WDR33: variants seen among roughly 807,000 people sequenced by gnomAD.
WDR33 encodes WD repeat domain 33, also known as pre-mRNA 3' end processing protein WDR33.
Under a neutral mutation model 164.9 loss-of-function variants are expected in WDR33, and 47 were observed. The ratio of observed to expected loss-of-function variants is 0.29; its 90% CI spans 0.23 to 0.36. WDR33 has a LOEUF of 0.36. WDR33 is among the 10% of genes least tolerant of loss of function. WDR33 has a pLI of 1.00. For missense variants in WDR33, 1,137 were observed against 1,754.1 expected, an observed-to-expected ratio of 0.65 and a Z score of 6.28; for synonymous variants, 505 against 589.0, an observed-to-expected ratio of 0.86 and a Z score of 2.06.
intron 1 of WDR33, among the ~76,000 whole-genome samples, chr2:127,794,928 G>A (rs960473816): frequency 6.6e-6 from 1 of 151,654 alleles, no homozygotes; most frequent in African/African-American, 2.4e-5. Context: ...GGAGGCTGAG[G>A]CGGGAGGATC....
At chr2:127,757,802 C>T (rs969912774) in intron 7 of WDR33, among the ~76,000 whole-genome samples, 4 of 152,056 alleles carry the variant, frequency 2.6e-5, no homozygotes, top group Non-Finnish European at 1.5e-5. Context: ...TTTTTTGGAA[C>T]ATTCAAACTT....
chr2:127,709,872 A>G lies in WDR33; in HGVS notation c.3309-16T>C, dbSNP rs1294301926. 1 of 1,612,666 alleles carries G rather than the reference A, an allele frequency of 6.2e-7. No homozygotes were observed. Among genetic ancestry groups the G allele is most frequent in the Non-Finnish European group, 8.5e-7 (1 of 1,179,474 alleles). On this transcript the variant is annotated splice_polypyrimidine_tract_variant and intron_variant, in intron 18 of 21. Coordinates refer to ENST00000322313, the MANE Select transcript of WDR33 (RefSeq NM_018383.5). This position sits in a 1 kb window ranked among gnomAD's most constrained non-coding sequence, Gnocchi z 5.0. ...TCTTCTGAAACTGTAAAGAGAAAAC[A>G]GCAGAATGTCCATCTCAGAGAACAC...
chr2:127,802,852 G>A (rs1446070693), intron 1 of WDR33, among the ~76,000 whole-genome samples: 6 of 151,840 alleles, frequency 4.0e-5, no homozygotes, highest in African/African-American at 1.2e-4. Context: ...ATGGTGGTGC[G>A]CACTTGTCGT....
intron 1 of WDR33, among the ~76,000 whole-genome samples, chr2:127,795,691 G>A (rs1689013590): frequency 1.3e-5 from 2 of 151,344 alleles, no homozygotes; most frequent in South Asian, 2.1e-4. Flanking sequence ...AAGTTAGCCA[G>A]GTGTGGTGGC....
intron 1 of WDR33, among the ~76,000 whole-genome samples, chr2:127,790,819 A>AT (rs1421028972): frequency 6.6e-6 from 1 of 151,744 alleles, no homozygotes; most frequent in South Asian, 2.1e-4. Context: ...CAGGTTACAT[A>AT]TTTTTTCTTG....
intron 7 of WDR33, among the ~76,000 whole-genome samples, chr2:127,759,883 T>TA (rs905303806): frequency 2.0e-5 from 3 of 152,020 alleles, no homozygotes; most frequent in Non-Finnish European, 4.4e-5. Flanking sequence ...TCTATTTTTT[T>TA]AAAAAAAATT....
At chr2:127,788,396 G>C (rs1428440115) in intron 1 of WDR33, among the ~76,000 whole-genome samples, 4 of 107,192 alleles carry the variant, frequency 3.7e-5, no homozygotes, top group South Asian at 3.1e-4. Flanking sequence ...CTCACCTCCC[G>C]GACGGGGCGG....
chr2:127,711,161 A>G (rs963731652), intron 18 of WDR33, among the ~76,000 whole-genome samples: 2 of 152,200 alleles, frequency 1.3e-5, no homozygotes, highest in Non-Finnish European at 2.9e-5. Context: ...ACAGTGGCTC[A>G]CACCTGTAAT....
chr2:127,804,985 G>C (rs1362889629), intron 1 of WDR33, among the ~76,000 whole-genome samples: 2 of 150,162 alleles, frequency 1.3e-5, no homozygotes, highest in Non-Finnish European at 2.9e-5. Context: ...ACATCTGGCA[G>C]TCCCTACCAC....
At chr2:127,809,594 C>T (rs1689573504) in intron 1 of WDR33, among the ~76,000 whole-genome samples, 1 of 151,986 alleles carries the variant, frequency 6.6e-6, no homozygotes, top group Non-Finnish European at 1.5e-5. Flanking sequence ...CACCACCACA[C>T]CCAGCTAATT....
chr2:127,745,255 T>A (rs1239594741), intron 7 of WDR33, among the ~76,000 whole-genome samples: 1 of 152,172 alleles, frequency 6.6e-6, no homozygotes, highest in African/African-American at 2.4e-5. Flanking sequence ...AAAAATCACA[T>A]AACTGTGCTA....
chr2:127,746,572 T>G (rs971678079), intron 7 of WDR33, among the ~76,000 whole-genome samples: 4 of 152,230 alleles, frequency 2.6e-5, no homozygotes, highest in African/African-American at 9.6e-5. Flanking sequence ...TCATTAGCTC[T>G]CCTTTACAGA....
At chr2:127,781,682 A>G (rs58080260) in intron 1 of WDR33, among the ~76,000 whole-genome samples, 11,538 of 152,140 alleles carry the variant, frequency 0.076, 452 homozygotes, top group Non-Finnish European at 0.092. Context: ...AACATGAGCA[A>G]TTCACTAGCT....
chr2:127,765,065 A>C lies in WDR33; in HGVS notation c.475-86T>G. ...CTTACAAGAGCATATAACTGACTCGAGGTAATAATTCGTCCCAATTCTAAG... is the reference window on the plus strand; with the variant it reads ...CTTACAAGAGCATATAACTGACTCGCGGTAATAATTCGTCCCAATTCTAAG... On this transcript the variant is annotated intron_variant, in intron 5 of 21. Transcript: ENST00000322313. 6 of 1,560,738 alleles carry C rather than the reference A, an allele frequency of 3.8e-6. No homozygotes were observed. The South Asian group carries it at 6.9e-5, about 18-fold the overall frequency.
Position 127,738,198 on chromosome 2 carries a change from A to C in WDR33, c.725-11421T>G. 1 of 642,004 alleles carries C rather than the reference A, an allele frequency of 1.6e-6. No individual in the cohort carries two copies. The highest frequency in any genetic ancestry group is 2.4e-6 in the Non-Finnish European group (1 of 419,050). The allele number at this position is 642,004 out of a possible 1,614,324, so 39.8% of individuals were successfully genotyped here. The stretch of plus-strand genomic sequence containing the variant: ...GTAATCTGAGATAACATATGCTCCA[A>C]CTGGATCTTAACAAACATCTCCATT... On this transcript the variant is annotated intron_variant, in intron 7 of 21. Coordinates refer to ENST00000322313, the MANE Select transcript of WDR33 (RefSeq NM_018383.5). This position sits in a 1 kb window ranked among gnomAD's most constrained non-coding sequence, Gnocchi z 4.4.
At chr2:127,794,395 G>A (rs1037571340) in intron 1 of WDR33, among the ~76,000 whole-genome samples, 2 of 151,618 alleles carry the variant, frequency 1.3e-5, no homozygotes, top group African/African-American at 4.9e-5. Flanking sequence ...AGCTACTCGG[G>A]GGGCTGAGGC....
intron 17 of WDR33, among the ~76,000 whole-genome samples, chr2:127,715,445 T>C (rs1686276362): frequency 1.3e-5 from 2 of 152,170 alleles, no homozygotes; most frequent in Non-Finnish European, 2.9e-5. Flanking sequence ...CCATGCAATA[T>C]ATATAAAATG....
intron 1 of WDR33, among the ~76,000 whole-genome samples, chr2:127,793,873 G>A (rs150331883): frequency 3.5e-4 from 53 of 152,320 alleles, no homozygotes; most frequent in African/African-American, 9.6e-4. Flanking sequence ...AGTGGCTCAC[G>A]CCTGTAATCC....
chr2:127,728,473 T>C (rs1363452956), intron 7 of WDR33, among the ~76,000 whole-genome samples: 1 of 152,190 alleles, frequency 6.6e-6, no homozygotes, highest in Non-Finnish European at 1.5e-5. Context: ...TGATTCTCTC[T>C]CCCCATGTTT....
Sources: allele counts gnomAD v4.1 joint callset (sites outside exome capture counted in the v4.1 genomes callset), GRCh38; gene constraint gnomAD v4.1.1; non-coding constraint Gnocchi (gnomAD v3.1); transcripts MANE v1.5; gene names NCBI Gene and HGNC (gene_info 2026-07-23, HGNC 2026-07-21).